TBCE: variants seen among roughly 807,000 people sequenced by gnomAD.
TBCE encodes tubulin-specific chaperone E.
A neutral mutation model predicts 77.0 loss-of-function variants in TBCE; 53 were observed. The ratio of observed to expected loss-of-function variants is 0.69; its 90% CI spans 0.55 to 0.87. The LOEUF is 0.87. Among genes scored for constraint, TBCE ranks in the 40% least tolerant of loss-of-function variants. The probability of loss-of-function intolerance (pLI) is 0.00; values close to 1 mark genes in which losing one functional copy is unlikely to be tolerated. For synonymous variants in TBCE, 235 were observed against 241.3 expected (o/e 0.97, Z 0.24); for missense variants, 624 against 622.4 (o/e 1.00, Z -0.03).
intron 1 of TBCE, among the ~76,000 whole-genome samples, chr1:235,368,663 A>T (rs10802647): frequency 0.73 from 109,255 of 149,024 alleles, 41,300 homozygotes; most frequent in African/African-American, 0.93. Context: ...GTTCAAGCAT[A>T]TCTCCCACCT....
chr1:235,451,798 T>C lies in TBCE; in HGVS notation c.*3036T>C, dbSNP rs1295356439. On this transcript the variant is annotated 3_prime_UTR_variant, in exon 17 of 17. Transcript: ENST00000642610. ...ATGGCCAAAGTGGAAGCTGCAAGAATCCAGAACAGAAATCTCTGAAGCTAA... is the reference window on the plus strand; with the variant it reads ...ATGGCCAAAGTGGAAGCTGCAAGAACCCAGAACAGAAATCTCTGAAGCTAA... 1 of 152,196 alleles carries C rather than the reference T, an allele frequency of 6.6e-6. No homozygotes were observed. The highest frequency in any genetic ancestry group is 1.5e-5 in the Non-Finnish European group (1 of 68,034). 9.4% of individuals were successfully genotyped at this position (152,196 alleles called of 1,614,324 possible). A position where few individuals can be genotyped will look rare whatever the true frequency, so the allele number is the denominator to read the frequency against.
intron 15 of TBCE, among the ~76,000 whole-genome samples, chr1:235,443,561 G>C (rs543820539): frequency 6.6e-6 from 1 of 152,252 alleles, no homozygotes; most frequent in Non-Finnish European, 1.5e-5. Context: ...CCTTTTGGAA[G>C]CATTCCCCAA....
Position 235,383,406 on chromosome 1 carries a change from C to T in TBCE, c.100+3257C>T, listed in dbSNP as rs1289341331. 2.6e-5 allele frequency among the ~76,000 whole-genome samples: 4 copies of T among 152,088 alleles called. No individual in the cohort carries two copies. The East Asian group carries it at 5.8e-4, about 22-fold the overall frequency. On this transcript the variant is annotated intron_variant, in intron 2 of 16. Coordinates refer to ENST00000642610, the MANE Select transcript of TBCE (RefSeq NM_003193.5). ...CATTGAATCTGTAAATTACCTTAGGCAGTATGGCCATTTTCACGATATTAA... is the reference window on the plus strand; with the variant it reads ...CATTGAATCTGTAAATTACCTTAGGTAGTATGGCCATTTTCACGATATTAA...
chr1:235,402,728 G>C (rs539902587), intron 3 of TBCE, among the ~76,000 whole-genome samples: 2 of 152,128 alleles, frequency 1.3e-5, no homozygotes, highest in East Asian at 3.9e-4. Flanking sequence ...GGGCTCAAGT[G>C]ATCTTCGCGC....
chr1:235,451,723 G>A lies in TBCE; in HGVS notation c.*2961G>A, dbSNP rs1044533320. 1 of 152,184 alleles carries A rather than the reference G, an allele frequency of 6.6e-6. No individual in the cohort carries two copies. Among genetic ancestry groups the A allele is most frequent in the African/African-American group, 2.4e-5 (1 of 41,436 alleles). The allele number at this position is 152,184 out of a possible 1,614,324, so 9.4% of individuals were successfully genotyped here. A position where few individuals can be genotyped will look rare whatever the true frequency, so the allele number is the denominator to read the frequency against. The stretch of plus-strand genomic sequence containing the variant: ...GCTCTGGGACCCCAGCTCTATGCAG[G>A]GCTTCTAACTGACAGACACTGCATG... On this transcript the variant is annotated 3_prime_UTR_variant, in exon 17 of 17. Coordinates refer to ENST00000642610, the MANE Select transcript of TBCE (RefSeq NM_003193.5).
At chr1:235,384,235 T>G (rs1368436619) in intron 2 of TBCE, among the ~76,000 whole-genome samples, 1 of 128,208 alleles carries the variant, frequency 7.8e-6, no homozygotes, top group Non-Finnish European at 1.6e-5. Context: ...TTATTGAGGA[T>G]TTTTGCATCA....
At chr1:235,419,196 G>A in intron 4 of TBCE, 1 of 497,082 alleles carries the variant, frequency 2.0e-6, no homozygotes, top group South Asian at 2.1e-5. Context: ...AACACAACGA[G>A]ACTCTGGCTA....
chr1:235,380,344 A>G (rs1431972090), intron 2 of TBCE, among the ~76,000 whole-genome samples, 195 bp downstream of exon 2: 2 of 152,092 alleles, frequency 1.3e-5, no homozygotes, highest in Non-Finnish European at 2.9e-5. Flanking sequence ...TGTGGTATCT[A>G]TGATTTTGTT....
chr1:235,432,137 C>T (rs1435683796), intron 7 of TBCE, among the ~76,000 whole-genome samples: 2 of 152,158 alleles, frequency 1.3e-5, no homozygotes, highest in African/African-American at 2.4e-5. Flanking sequence ...GCGCTTGCCA[C>T]CATGCCCAGC....
In TBCE at chr1:235,448,816, C is replaced by T. The variant is rs767215746; in HGVS notation, c.*54C>T. ...ACTGCTTATCGTGTCTGGGGTTCAC[C>T]GGAAATAAATGATTCACTGGAACAA... is the stretch of plus-strand genomic sequence containing the variant. On this transcript the variant is annotated 3_prime_UTR_variant, in exon 17 of 17. Coordinates refer to ENST00000642610, the MANE Select transcript of TBCE (RefSeq NM_003193.5). The T allele has an allele frequency of 1.8e-4, 230 of 1,288,268 alleles. 3 individuals are homozygous for T. The highest frequency in any genetic ancestry group is 5.4e-4 in the South Asian group (45 of 83,700). The allele number at this position is 1,288,268 out of a possible 1,614,324, so 79.8% of individuals were successfully genotyped here. A position where few individuals can be genotyped will look rare whatever the true frequency, so the allele number is the denominator to read the frequency against.
chr1:235,383,038 A>ATG (rs1435665345), intron 2 of TBCE, among the ~76,000 whole-genome samples: 2 of 141,848 alleles, frequency 1.4e-5, no homozygotes, highest in Non-Finnish European at 3.1e-5. Flanking sequence ...ACATATGGCT[A>ATG]GCCAGTTTTC....
intron 2 of TBCE, among the ~76,000 whole-genome samples, chr1:235,395,745 A>G (rs940270576): frequency 2.6e-5 from 4 of 151,822 alleles, no homozygotes; most frequent in Non-Finnish European, 4.4e-5. Flanking sequence ...GGGATTTGCC[A>G]TGTTGGCCAG....
At chr1:235,407,033 T>C (rs1003256698) in intron 3 of TBCE, among the ~76,000 whole-genome samples, 1 of 151,782 alleles carries the variant, frequency 6.6e-6, no homozygotes, top group Non-Finnish European at 1.5e-5. Context: ...TTCTCCATGT[T>C]GGTCAGGCTG....
rs1037252538 is a variant in TBCE at position 235,451,078 on chromosome 1, G to C, written c.*2316G>C. 1 of 152,238 alleles carries C rather than the reference G, an allele frequency of 6.6e-6. No individual in the cohort carries two copies. The highest frequency in any genetic ancestry group is 1.5e-5 in the Non-Finnish European group (1 of 68,066). The allele number at this position is 152,238 out of a possible 1,614,324, so 9.4% of individuals were successfully genotyped here. ...AGGAGAAAGCACTGAGTCAGCCTGT[G>C]CCTTGAAGGCAGCTGCTGATCCTTG... is the stretch of plus-strand genomic sequence containing the variant. On this transcript the variant is annotated 3_prime_UTR_variant, in exon 17 of 17. Transcript: ENST00000642610.
chr1:235,443,106 T>G (rs969749174), intron 15 of TBCE, 195 bp downstream of exon 15: 19 of 612,006 alleles, frequency 3.1e-5, no homozygotes, highest in African/African-American at 5.6e-5. Context: ...AGTTCAGGTC[T>G]CCCCTAACTT....
intron 2 of TBCE, among the ~76,000 whole-genome samples, chr1:235,396,120 A>T (rs1339342347): frequency 6.7e-6 from 1 of 150,222 alleles, no homozygotes; most frequent in Non-Finnish European, 1.5e-5. Flanking sequence ...AGTGCAGTGG[A>T]GCGATCTCGG....
Position 235,438,882 on chromosome 1 carries a change from A to C in TBCE, c.1230A>C (p.Glu410Asp). 1 of 1,614,180 alleles carries C rather than the reference A, an allele frequency of 6.2e-7. No homozygotes were observed. Among genetic ancestry groups the C allele is most frequent in the Non-Finnish European group, 8.5e-7 (1 of 1,180,034 alleles). The change falls in exon 13 of 17, where the codon GAA becomes GAC. Residue 410 changes from glutamate (E) to aspartate (D), a missense_variant. Transcript: ENST00000642610. ...CGGAAAAAAACAGACTCAGCGAAGA[A>C]TTCCTCACAGCCCATCCCAGATACC... ...KDPEKNRLSE[E>D]FLTAHPRYQF...
At chr1:235,422,558 G>T (rs1332310212) in intron 5 of TBCE, among the ~76,000 whole-genome samples, 4 of 148,808 alleles carry the variant, frequency 2.7e-5, no homozygotes, top group African/African-American at 9.9e-5. Context: ...GGCCAGGTGT[G>T]GTGGCTCACG....
At chr1:235,387,727 G>T (rs1278038302) in intron 2 of TBCE, among the ~76,000 whole-genome samples, 1 of 152,162 alleles carries the variant, frequency 6.6e-6, no homozygotes. Flanking sequence ...CTAGCAAAGG[G>T]AACTCCCTGA....
Sources: gnomAD v4.1 joint callset for allele counts (sites outside exome capture counted in the v4.1 genomes callset) on GRCh38, gnomAD v4.1.1 for gene constraint, MANE v1.5 for transcripts, NCBI Gene and HGNC (gene_info 2026-07-23, HGNC 2026-07-21) for gene names.